Variants in TANC2 observed in about 807,000 individuals in gnomAD.
TANC2 encodes the protein tetratricopeptide repeat, ankyrin repeat and coiled-coil containing 2, also known as protein TANC2.
A neutral mutation model predicts 210.5 loss-of-function variants in TANC2; 26 were observed. The observed-to-expected ratio is 0.12, with a 90% CI of 0.09 to 0.17. The LOEUF is 0.17. TANC2 is among the 10% of genes least tolerant of loss of function. TANC2 has a pLI of 1.00. For missense variants in TANC2, 2,129 were observed against 2,608.9 expected (o/e 0.82, Z 4.01); for synonymous variants, 931 against 967.1 (o/e 0.96, Z 0.69).
At chr17:63,348,244 A>G (rs1003559093) in intron 12 of TANC2, among the ~76,000 whole-genome samples, 9 of 152,356 alleles carry the variant, frequency 5.9e-5, no homozygotes, top group African/African-American at 2.2e-4. Flanking sequence ...ACTAGCTACT[A>G]TCTCTTCTCT....
intron 7 of TANC2, among the ~76,000 whole-genome samples, chr17:63,220,513 C>T (rs2042142110): frequency 6.6e-6 from 1 of 151,192 alleles, no homozygotes; most frequent in African/African-American, 2.4e-5. Context: ...ACCAGCCTGG[C>T]CAGCATGGTG....
At chr17:63,135,203 G>A (rs2039049687) in intron 4 of TANC2, among the ~76,000 whole-genome samples, 1 of 152,136 alleles carries the variant, frequency 6.6e-6, no homozygotes, top group Non-Finnish European at 1.5e-5. Flanking sequence ...GACAGAGTGA[G>A]ACCCTAGCTA....
intron 14 of TANC2, among the ~76,000 whole-genome samples, chr17:63,378,353 C>T (rs984441875): frequency 5.3e-5 from 8 of 151,726 alleles, no homozygotes; most frequent in African/African-American, 1.9e-4. Context: ...TACACACACA[C>T]ATTAACACTT....
chr17:63,183,073 T>C (rs113047037), intron 5 of TANC2, among the ~76,000 whole-genome samples: 2 of 30,356 alleles, frequency 6.6e-5, no homozygotes, highest in African/African-American at 6.5e-4. Flanking sequence ...TAATAGGACC[T>C]TTTTTTTAAA....
At chr17:63,355,199 C>T in exon 14 of TANC2, 1 of 1,613,786 alleles carries the variant, frequency 6.2e-7, no homozygotes, top group Non-Finnish European at 8.5e-7. Context: ...ATGAGCATAT[C>T]TTCCAGGCCA....
rs181853031 is a variant in TANC2, at chr17:63,369,454, A to G, written c.2583-10264A>G. Among the ~76,000 whole-genome samples, 31 of 152,242 alleles carry G rather than the reference A, an allele frequency of 2.0e-4. No homozygotes were observed. In the East Asian group the frequency reaches 6.0e-3, roughly 29 times the overall value. On this transcript the variant is annotated intron_variant, in intron 14 of 27. Coordinates refer to ENST00000689528, the Ensembl canonical transcript of TANC2. The stretch of plus-strand genomic sequence containing the variant: ...TACTGGAAGGCTGCTGGGGATAGAA[A>G]GTGACTCATTACTGTCACGGGACAC...
intron 5 of TANC2, among the ~76,000 whole-genome samples, chr17:63,159,475 T>C (rs2039950449): frequency 6.6e-6 from 1 of 152,152 alleles, no homozygotes; most frequent in Non-Finnish European, 1.5e-5. Flanking sequence ...AGAAAGCCAT[T>C]GTTAATATTT....
At chr17:63,363,965 C>T (rs1008462500) in intron 14 of TANC2, among the ~76,000 whole-genome samples, 11 of 152,200 alleles carry the variant, frequency 7.2e-5, no homozygotes, top group African/African-American at 2.4e-4. Flanking sequence ...AATCAGTCTT[C>T]TGATGTCATA....
At chr17:63,119,087 A>G (rs1468659136) in intron 4 of TANC2, among the ~76,000 whole-genome samples, 2 of 151,778 alleles carry the variant, frequency 1.3e-5, no homozygotes, top group African/African-American at 4.8e-5. Flanking sequence ...CGGCCCTCCA[A>G]CTAATTTTTT....
chr17:63,376,591 G>A (rs188308609), intron 14 of TANC2, among the ~76,000 whole-genome samples: 23 of 152,234 alleles, frequency 1.5e-4, no homozygotes, highest in African/African-American at 4.3e-4. Flanking sequence ...TCCAGTAAGA[G>A]TTTAAAAAGG....
intron 12 of TANC2, among the ~76,000 whole-genome samples, chr17:63,346,105 A>G (rs1301202875): frequency 1.3e-5 from 2 of 152,234 alleles, no homozygotes; most frequent in Non-Finnish European, 2.9e-5. Context: ...CTTACTTCAC[A>G]CTATACACCA....
chr17:63,324,453 AT>A (rs2045584382), intron 11 of TANC2, among the ~76,000 whole-genome samples: 1 of 152,194 alleles, frequency 6.6e-6, no homozygotes, highest in Admixed American at 6.5e-5. Context: ...CATTTTGAAC[AT>A]AATATGGAAA....
intron 8 of TANC2, among the ~76,000 whole-genome samples, chr17:63,240,451 T>A (rs2042744344): frequency 6.6e-6 from 1 of 152,172 alleles, no homozygotes; most frequent in Non-Finnish European, 1.5e-5. Flanking sequence ...CTTAGAACCT[T>A]TTTTCACTGT....
intron 4 of TANC2, among the ~76,000 whole-genome samples, chr17:63,116,688 G>GT (rs1242654649): frequency 5.9e-5 from 9 of 152,288 alleles, no homozygotes; most frequent in Admixed American, 5.2e-4. Flanking sequence ...TAGTGCTGCA[G>GT]TTTTGGCATA....
intron 3 of TANC2, among the ~76,000 whole-genome samples, chr17:63,090,717 A>G (rs1397768267): frequency 2.0e-5 from 3 of 152,220 alleles, no homozygotes; most frequent in Non-Finnish European, 2.9e-5. Context: ...CTTTGGGTAT[A>G]TAGCCAGTAA....
At chr17:63,224,913 T>C (rs746970393) in intron 7 of TANC2, among the ~76,000 whole-genome samples, 2 of 152,224 alleles carry the variant, frequency 1.3e-5, no homozygotes, top group Non-Finnish European at 2.9e-5. Flanking sequence ...TGATTTCCTA[T>C]AGGCCATCAT....
intron 11 of TANC2, chr17:63,333,999 GA>G (rs2146737836): frequency 6.6e-6 from 1 of 152,220 alleles, no homozygotes; most frequent in African/African-American, 2.4e-5. Context: ...TATGCACAGG[GA>G]AATCAAAAAA....
At chr17:63,117,238 C>T (rs1160545281) in intron 4 of TANC2, 2 of 152,124 alleles carry the variant, frequency 1.3e-5, no homozygotes, top group East Asian at 1.9e-4. Context: ...ACTCTGTTAA[C>T]GCTGCGCCAT....
In TANC2 at chr17:63,099,163, C is replaced by T. The variant is rs1339693696; in HGVS notation, c.140-12C>T. ...TTCTCACCAGCTCTTTTGTTCCATC[C>T]CCTTCTAACAGGTGGCATCTCCACA... On this transcript the variant is annotated splice_polypyrimidine_tract_variant and intron_variant, in intron 3 of 27. Transcript: ENST00000689528. The T allele has an allele frequency of 1.2e-6, 2 of 1,609,662 alleles. No homozygotes were observed. Among genetic ancestry groups the T allele is most frequent in the Non-Finnish European group, 1.7e-6 (2 of 1,177,844 alleles).
Sources: gnomAD v4.1 joint callset for allele counts (sites outside exome capture counted in the v4.1 genomes callset) on GRCh38, gnomAD v4.1.1 for gene constraint, MANE v1.5 for transcripts, NCBI Gene and HGNC (gene_info 2026-07-23, HGNC 2026-07-21) for gene names.